CNTNAP5: variants seen among roughly 807,000 people sequenced by gnomAD.
CNTNAP5 encodes the protein contactin-associated protein-like 5.
CNTNAP5 carries 72 observed loss-of-function variants against 150.2 expected under a neutral mutation model. The ratio of observed to expected loss-of-function variants is 0.48; its 90% CI spans 0.40 to 0.58. The LOEUF is 0.58. CNTNAP5 is among the 20% of genes least tolerant of loss of function. CNTNAP5 has a pLI of 0.00. For missense variants in CNTNAP5, 1,636 were observed against 1,626.2 expected (o/e 1.01, Z -0.10); for synonymous variants, 672 against 619.8 (o/e 1.08, Z -1.25).
chr2:124,609,574 AAATAAT>A (rs1300319789), intron 11 of CNTNAP5, among the ~76,000 whole-genome samples: 1 of 152,132 alleles, frequency 6.6e-6, no homozygotes, highest in African/African-American at 2.4e-5. Flanking sequence ...AGTCTAAAAC[AAATAAT>A]AATAAAAAGA....
chr2:124,047,162 A>G (rs1681560751), intron 1 of CNTNAP5, among the ~76,000 whole-genome samples: 1 of 152,244 alleles, frequency 6.6e-6, no homozygotes, highest in Admixed American at 6.5e-5. Flanking sequence ...CGAGCTATTT[A>G]CATCTATTAG....
At chr2:124,898,989 T>C (rs962086631) in intron 21 of CNTNAP5, among the ~76,000 whole-genome samples, 3 of 151,404 alleles carry the variant, frequency 2.0e-5, no homozygotes, top group Admixed American at 1.3e-4. Context: ...GTGACTGCAG[T>C]TAATATATTA....
At chr2:124,305,277 C>A (rs571813671) in intron 3 of CNTNAP5, among the ~76,000 whole-genome samples, 2 of 148,138 alleles carry the variant, frequency 1.4e-5, no homozygotes, top group Non-Finnish European at 1.5e-5. Flanking sequence ...AAAAAAAAAA[C>A]AGACAAACAA....
intron 11 of CNTNAP5, among the ~76,000 whole-genome samples, chr2:124,590,371 A>G (rs1308781216): frequency 6.6e-6 from 1 of 152,066 alleles, no homozygotes; most frequent in African/African-American, 2.4e-5. Flanking sequence ...ACCTATGTCT[A>G]TTTTCAGCCT....
At chr2:124,777,623 T>C (rs72980439) in intron 17 of CNTNAP5, among the ~76,000 whole-genome samples, 7,454 of 152,202 alleles carry the variant, frequency 0.049, 638 homozygotes, top group African/African-American at 0.17. Flanking sequence ...GCTCAAACAA[T>C]CTGCCCACCT....
At chr2:124,295,465 T>C (rs989977800) in intron 3 of CNTNAP5, among the ~76,000 whole-genome samples, 6 of 152,064 alleles carry the variant, frequency 3.9e-5, no homozygotes, top group Admixed American at 6.6e-5. Flanking sequence ...TGATTGTCCT[T>C]ATGGCAGTGG....
chr2:124,482,043 A>G lies in CNTNAP5; in HGVS notation c.1062+7161A>G, dbSNP rs183132991. 5.3e-3 allele frequency among the ~76,000 whole-genome samples: 804 copies of G among 152,328 alleles called. 6 individuals are homozygous for G. The highest frequency in any genetic ancestry group is 6.8e-3 in the Non-Finnish European group (464 of 68,032). On this transcript the variant is annotated intron_variant, in intron 7 of 23. Coordinates refer to ENST00000682447, the MANE Select transcript of CNTNAP5 (RefSeq NM_001367498.1). ...ATTTCAATCTTCAAGTGCTTTTTAA[A>G]AAAACGGGCTATGTAAAAGTTGAAA... is the stretch of plus-strand genomic sequence containing the variant.
chr2:124,517,524 TG>T, intron 8 of CNTNAP5, among the ~76,000 whole-genome samples: 1 of 147,972 alleles, frequency 6.8e-6, no homozygotes, highest in Non-Finnish European at 1.5e-5. Context: ...GATCGTTCTT[TG>T]TGGTGTTGGT....
chr2:124,303,727 A>T (rs1181829621), intron 3 of CNTNAP5, among the ~76,000 whole-genome samples: 1 of 152,216 alleles, frequency 6.6e-6, no homozygotes, highest in African/African-American at 2.4e-5. Flanking sequence ...AATCATAATC[A>T]TCATAATAAT....
At chr2:124,110,846 C>G (rs1227192615) in intron 1 of CNTNAP5, among the ~76,000 whole-genome samples, 1 of 152,148 alleles carries the variant, frequency 6.6e-6, no homozygotes, top group African/African-American at 2.4e-5. Context: ...ACTTTCACAT[C>G]TATTACCTCA....
At chr2:124,701,698 A>G (rs189239861) in intron 13 of CNTNAP5, among the ~76,000 whole-genome samples, 1 of 152,106 alleles carries the variant, frequency 6.6e-6, no homozygotes, top group African/African-American at 2.4e-5. Context: ...TGACTTCTTG[A>G]TAATAGTCAT....
intron 19 of CNTNAP5, among the ~76,000 whole-genome samples, chr2:124,812,011 AATTTATATTTATATATTATATAATATAT>A (rs1682236859): frequency 5.6e-5 from 4 of 71,776 alleles, no homozygotes; most frequent in Non-Finnish European, 1.1e-4. Flanking sequence ...TATAATATAT[AATTTATATTTATATATTATATAATATAT>A]AATTTATATT....
chr2:124,341,518 A>G (rs1485688178), intron 3 of CNTNAP5, among the ~76,000 whole-genome samples: 1 of 152,174 alleles, frequency 6.6e-6, no homozygotes, highest in Non-Finnish European at 1.5e-5. Context: ...CTCATTAAAC[A>G]AGCCTTCCAT....
In CNTNAP5 at chr2:124,474,733, CA is replaced by C; in HGVS notation, c.919-2del. On this transcript the variant is annotated splice_polypyrimidine_tract_variant and splice_region_variant and intron_variant, in intron 6 of 23. Transcript: ENST00000682447. ...TAAGAGTTTGTTTCTATTTTCACCC[CA>C]AAAGCTTAGTTTTGGAGGAATTCCA... The C allele has an allele frequency of 6.4e-7, 1 of 1,553,404 alleles. No homozygotes were observed. The highest frequency in any genetic ancestry group is 8.7e-7 in the Non-Finnish European group (1 of 1,155,628).
chr2:124,789,189 G>T (rs564420688), intron 17 of CNTNAP5, among the ~76,000 whole-genome samples: 3 of 152,304 alleles, frequency 2.0e-5, no homozygotes, highest in African/African-American at 7.2e-5. Flanking sequence ...AACTTTGCCA[G>T]AAAGGACAGT....
intron 13 of CNTNAP5, among the ~76,000 whole-genome samples, chr2:124,742,645 C>G (rs904735363): frequency 6.7e-6 from 1 of 149,162 alleles, no homozygotes; most frequent in Non-Finnish European, 1.5e-5. Flanking sequence ...CACACACACA[C>G]ACACACATAT....
intron 1 of CNTNAP5, among the ~76,000 whole-genome samples, chr2:124,190,985 C>T (rs1300874677): frequency 6.6e-6 from 1 of 152,168 alleles, no homozygotes; most frequent in Non-Finnish European, 1.5e-5. Context: ...AAAGTAGATC[C>T]TTCTCATCTA....
intron 1 of CNTNAP5, among the ~76,000 whole-genome samples, chr2:124,158,581 G>C (rs748222923): frequency 1.3e-5 from 2 of 152,146 alleles, no homozygotes; most frequent in Non-Finnish European, 2.9e-5. Flanking sequence ...CACGGATATA[G>C]AACCCATGAA....
chr2:124,877,025 T>C (rs761423798), intron 21 of CNTNAP5, among the ~76,000 whole-genome samples: 3 of 150,956 alleles, frequency 2.0e-5, no homozygotes, highest in Non-Finnish European at 4.4e-5. Context: ...TTAGATGGGA[T>C]TTTTGTTATT....
Sources: gnomAD v4.1 joint callset for allele counts (sites outside exome capture counted in the v4.1 genomes callset) on GRCh38, gnomAD v4.1.1 for gene constraint, MANE v1.5 for transcripts, NCBI Gene and HGNC (gene_info 2026-07-23, HGNC 2026-07-21) for gene names.